The following TENM3 variants were observed in gnomAD, a reference collection of about 807,000 sequenced individuals.
TENM3 encodes the protein teneurin transmembrane protein 3, also known as teneurin-3.
Under a neutral mutation model 255.1 loss-of-function variants are expected in TENM3, and 63 were observed. That is an observed-to-expected ratio of 0.25 (90% CI 0.20 to 0.30). TENM3 has a LOEUF of 0.30. Among genes scored for constraint, TENM3 ranks in the 10% least tolerant of loss-of-function variants. The probability of loss-of-function intolerance (pLI) is 1.00; values close to 1 mark genes in which losing one functional copy is unlikely to be tolerated. For synonymous variants in TENM3, 1,306 were observed against 1,322.3 expected, an observed-to-expected ratio of 0.99 and a Z score of 0.27; for missense variants, 2,929 against 3,461.1, an observed-to-expected ratio of 0.85 and a Z score of 3.86.
rs558390100 is a variant in TENM3 at position 182,226,891 on chromosome 4, A to G, written c.-76+82137A>G. On this transcript the variant is annotated intron_variant, in intron 1 of 2. Coordinates refer to the TENM3 transcript ENST00000512480. ...TGAGATATTCACCTGACCCATACAT[A>G]TAGTATGACTGGGTATGGTCTTTGG... is the stretch of plus-strand genomic sequence containing the variant. Among the ~76,000 whole-genome samples, 6 of 152,288 alleles carry G rather than the reference A, an allele frequency of 3.9e-5. No individual in the cohort carries two copies. The East Asian group carries it at 1.2e-3, about 29-fold the overall frequency.
chr4:182,678,177 C>T (rs894402408), intron 7 of TENM3, among the ~76,000 whole-genome samples: 41 of 152,272 alleles, frequency 2.7e-4, no homozygotes, highest in Admixed American at 1.2e-3. Flanking sequence ...CTTGAAACTA[C>T]ATTGGAAAGT....
chr4:181,943,229 T>A, the TENM3 span, among the ~76,000 whole-genome samples: 1 of 152,114 alleles, frequency 6.6e-6, no homozygotes, highest in Non-Finnish European at 1.5e-5. Context: ...TAGATTAATG[T>A]CAAGGTTCTC....
the TENM3 span, chr4:181,830,038 G>A: frequency 3.3e-5 from 5 of 152,242 alleles, no homozygotes; most frequent in African/African-American, 1.2e-4. Flanking sequence ...CAAGGATCTA[G>A]CAGGAGAGAG....
the TENM3 span, among the ~76,000 whole-genome samples, chr4:181,806,863 A>G: frequency 4.2e-4 from 64 of 152,306 alleles, 1 homozygote; most frequent in East Asian, 0.012. Context: ...ATCCTTCCTC[A>G]GGGATGGATC....
intron 3 of TENM3, among the ~76,000 whole-genome samples, chr4:182,432,858 G>GTGTGTGTGTGTGTA (rs1488220964): frequency 6.6e-6 from 1 of 151,272 alleles, no homozygotes; most frequent in African/African-American, 2.4e-5. Context: ...GGGTGTGTGT[G>GTGTGTGTGTGTGTA]TGTGTGTTTT....
chr4:181,965,722 G>T, the TENM3 span, among the ~76,000 whole-genome samples: 1 of 152,186 alleles, frequency 6.6e-6, no homozygotes, highest in Non-Finnish European at 1.5e-5. Context: ...TTTTTCTCCT[G>T]TGTCTCCTGT....
chr4:181,636,066 GAGAC>G, the TENM3 span, among the ~76,000 whole-genome samples: 146 of 151,910 alleles, frequency 9.6e-4, no homozygotes, highest in Admixed American at 8.5e-3. Context: ...GGTTTTTTTT[GAGAC>G]AGTTTCGCTC....
chr4:182,066,871 G>A, the TENM3 span, among the ~76,000 whole-genome samples: 429 of 152,144 alleles, frequency 2.8e-3, 2 homozygotes, highest in African/African-American at 7.8e-3. Flanking sequence ...AGATCGCACC[G>A]CTGCACTCCA....
intron 19 of TENM3, among the ~76,000 whole-genome samples, chr4:182,751,433 G>A (rs1189469836): frequency 6.6e-6 from 1 of 152,220 alleles, no homozygotes; most frequent in East Asian, 1.9e-4. Flanking sequence ...TAAACTTTAT[G>A]TCCCTCATTC....
At position 182,600,957 on chromosome 4, in the gene TENM3, T is replaced by C. The variant is rs557441132; in HGVS notation, c.545T>C (p.Leu182Pro). Reference sequence around the variant, plus strand: ...GCAAGCAATCAAGGCCAGTCTACCCTGCAGCCCTTGCCGCCTTCCCATAAG... The same window carrying C: ...GCAAGCAATCAAGGCCAGTCTACCCCGCAGCCCTTGCCGCCTTCCCATAAG... ...QPASNQGQST[L>P]QPLPPSHKQH... Residue 182 changes from leucine to proline, a missense_variant, in exon 4 of 28, where the codon CTG becomes CCG. By Grantham distance (98) the Leu-to-Pro change is moderately conservative. This residue lies in a region of TENM3 where 283 missense variants were observed against 256.9 expected (regional missense o/e 1.10). Coordinates refer to ENST00000511685, the MANE Select transcript of TENM3 (RefSeq NM_001080477.4). 2.2e-5 allele frequency: 30 copies of C among 1,366,196 alleles called. No individual in the cohort carries two copies. In the South Asian group the frequency reaches 3.4e-4, roughly 16 times the overall value. The allele number at this position is 1,366,196 out of a possible 1,614,324, so 84.6% of individuals were successfully genotyped here.
intron 2 of TENM3, among the ~76,000 whole-genome samples, chr4:182,327,966 T>TA (rs1484327022): frequency 1.3e-5 from 2 of 152,296 alleles, no homozygotes; most frequent in East Asian, 3.9e-4. Flanking sequence ...ACCAAACACT[T>TA]ATCAATTCCA....
chr4:181,711,382 T>C, the TENM3 span, among the ~76,000 whole-genome samples: 2 of 152,080 alleles, frequency 1.3e-5, no homozygotes, highest in African/African-American at 4.8e-5. Context: ...AAAGATAGAG[T>C]GAGTCAGAAC....
At chr4:182,262,865 C>T (rs76696702) in intron 1 of TENM3, among the ~76,000 whole-genome samples, 34 of 152,046 alleles carry the variant, frequency 2.2e-4, no homozygotes, top group East Asian at 1.4e-3. Context: ...AGGCACCCAC[C>T]ACCACGCCCG....
the TENM3 span, among the ~76,000 whole-genome samples, chr4:182,111,963 G>T: frequency 6.6e-6 from 1 of 152,040 alleles, no homozygotes; most frequent in African/African-American, 2.4e-5. Context: ...TCCATCCATG[G>T]TATACACTCT....
At chr4:182,263,825 G>A (rs1190273450) in intron 1 of TENM3, among the ~76,000 whole-genome samples, 2 of 152,182 alleles carry the variant, frequency 1.3e-5, no homozygotes, top group Non-Finnish European at 2.9e-5. Context: ...AGATGACGGG[G>A]CTCACCCATC....
intron 3 of TENM3, among the ~76,000 whole-genome samples, chr4:182,474,465 C>T (rs2151473913): frequency 6.6e-6 from 1 of 152,204 alleles, no homozygotes; most frequent in Admixed American, 6.5e-5. Context: ...ATTTTAGGGA[C>T]ATCACTTAGT....
intron 22 of TENM3, among the ~76,000 whole-genome samples, chr4:182,771,915 T>G (rs558308269): frequency 1.2e-4 from 19 of 152,096 alleles, no homozygotes; most frequent in Non-Finnish European, 2.8e-4. Context: ...ATCCCTGGCT[T>G]CTCCCTCCTG....
chr4:182,094,488 C>A, the TENM3 span, among the ~76,000 whole-genome samples: 1 of 152,154 alleles, frequency 6.6e-6, no homozygotes, highest in Non-Finnish European at 1.5e-5. Flanking sequence ...CGTTGTGATC[C>A]GCCCGCCTCG....
intron 1 of TENM3, among the ~76,000 whole-genome samples, chr4:182,150,210 G>A (rs1484777137): frequency 6.6e-6 from 1 of 151,752 alleles, no homozygotes; most frequent in African/African-American, 2.4e-5. Flanking sequence ...AGGAGGAAGG[G>A]AGGAAGAAAG....
Sources: gnomAD v4.1 joint callset for allele counts (sites outside exome capture counted in the v4.1 genomes callset) on GRCh38, gnomAD v4.1.1 for gene constraint, gnomAD v4.1.1 regional missense constraint, MANE v1.5 for transcripts, NCBI Gene and HGNC (gene_info 2026-07-23, HGNC 2026-07-21) for gene names.